ATP10D: variants seen among roughly 807,000 people sequenced by gnomAD.
The protein encoded by ATP10D is phospholipid-transporting ATPase VD.
In ATP10D, 89 loss-of-function variants were observed where a neutral mutation model predicts 144.8. The ratio of observed to expected loss-of-function variants is 0.61; its 90% confidence interval spans 0.52 to 0.73. ATP10D has a LOEUF of 0.73. ATP10D is among the 30% of genes least tolerant of loss of function. The pLI, the probability that ATP10D is intolerant of heterozygous loss-of-function variation, is 0.00. For missense variants in ATP10D, 1,603 were observed against 1,714.8 expected (o/e 0.93, Z 1.15); for synonymous variants, 571 against 615.1 (o/e 0.93, Z 1.06).
intron 16 of ATP10D, among the ~76,000 whole-genome samples, chr4:47,571,846 T>C (rs1250516920): frequency 2.6e-5 from 4 of 152,194 alleles, no homozygotes; most frequent in African/African-American, 2.4e-5. Flanking sequence ...GTTGTTATCA[T>C]GTGCGTGGCT....
At chr4:47,511,567 A>G (rs1181086503) in intron 1 of ATP10D, among the ~76,000 whole-genome samples, 1 of 152,228 alleles carries the variant, frequency 6.6e-6, no homozygotes, top group Non-Finnish European at 1.5e-5. Flanking sequence ...GTAGGGCTGC[A>G]TTTCTTGGAA....
At chr4:47,559,070 C>G in intron 13 of ATP10D, 41 bp downstream of exon 13, 2 of 1,515,836 alleles carry the variant, frequency 1.3e-6, no homozygotes, top group East Asian at 2.3e-5. Flanking sequence ...TGTTTTTTCC[C>G]TTGTTTAGCT....
At position 47,558,291 on chromosome 4, in the gene ATP10D, T is replaced by G; in HGVS notation, c.2434+18T>G. ...TTCCCCAGGTAAGTTTATACAAAAG[T>G]GAAATAGTAGTGATTTGAAAAGCTC... On this transcript the variant is annotated intron_variant, in intron 12 of 22. Transcript: ENST00000273859. 1 of 1,606,002 alleles carries G rather than the reference T, an allele frequency of 6.2e-7. No individual in the cohort carries two copies. The highest frequency in any genetic ancestry group is 2.2e-5 in the East Asian group (1 of 44,730).
intron 1 of ATP10D, among the ~76,000 whole-genome samples, chr4:47,506,221 A>G (rs967620515): frequency 1.3e-5 from 2 of 152,210 alleles, no homozygotes; most frequent in Non-Finnish European, 2.9e-5. Context: ...GTTGGAGCCA[A>G]TGATTGGACA....
At chr4:47,571,742 A>T (rs1461519944) in intron 16 of ATP10D, among the ~76,000 whole-genome samples, 1 of 152,210 alleles carries the variant, frequency 6.6e-6, no homozygotes, top group Non-Finnish European at 1.5e-5. Flanking sequence ...CTTTAAAAAA[A>T]GTATGAGAAG....
At chr4:47,589,254 T>A (rs1004418302) in intron 22 of ATP10D, among the ~76,000 whole-genome samples, 2 of 152,166 alleles carry the variant, frequency 1.3e-5, no homozygotes, top group African/African-American at 4.8e-5. Context: ...AATTTCATAA[T>A]TTTTTGCCTT....
chr4:47,553,760 C>T (rs1718839902), intron 10 of ATP10D, among the ~76,000 whole-genome samples: 1 of 152,202 alleles, frequency 6.6e-6, no homozygotes, highest in Admixed American at 6.5e-5. Context: ...CTAACTCTCA[C>T]CAAACTTTTA....
chr4:47,504,073 C>A (rs1180686964), intron 1 of ATP10D, among the ~76,000 whole-genome samples: 1 of 152,074 alleles, frequency 6.6e-6, no homozygotes, highest in East Asian at 1.9e-4. Context: ...TTGAATGGCA[C>A]TAAGAACTCC....
chr4:47,580,562 G>A (rs1720460529), intron 20 of ATP10D, 84 bp downstream of exon 20: 2 of 1,212,556 alleles, frequency 1.6e-6, no homozygotes, highest in Admixed American at 3.4e-5. Context: ...CAGCATAAAG[G>A]AGGGCAGATT....
chr4:47,590,976 T>TA, intron 22 of ATP10D, 66 bp from the exon 23 acceptor site: 1 of 953,990 alleles, frequency 1.0e-6, no homozygotes. Flanking sequence ...CGTTAGTATT[T>TA]GGGGGGGGGG....
chr4:47,538,813 C>A (rs1216559672), intron 9 of ATP10D, among the ~76,000 whole-genome samples: 1 of 152,196 alleles, frequency 6.6e-6, no homozygotes, highest in African/African-American at 2.4e-5. Flanking sequence ...CTCACAACAG[C>A]AGAGCAGTTT....
intron 1 of ATP10D, among the ~76,000 whole-genome samples, chr4:47,505,377 A>C (rs1033794343): frequency 6.6e-6 from 1 of 152,202 alleles, no homozygotes; most frequent in South Asian, 2.1e-4. Flanking sequence ...AGTGTGTTAG[A>C]CATGCAGACT....
rs899904274 is a variant in ATP10D, at chr4:47,511,223, C to T, written c.-37-1281C>T. On this transcript the variant is annotated intron_variant, in intron 1 of 22. Transcript: ENST00000273859. ...GATAGTAAATGTTATTTTGGCCAGTCAATCTTCATTGATTTAGTTATCTAT... is the reference window on the plus strand; with the variant it reads ...GATAGTAAATGTTATTTTGGCCAGTTAATCTTCATTGATTTAGTTATCTAT... Among the ~76,000 whole-genome samples the T allele has an allele frequency of 2.6e-5, 4 of 152,222 alleles. No individual in the cohort carries two copies. The East Asian group carries it at 5.8e-4, about 22-fold the overall frequency.
intron 4 of ATP10D, among the ~76,000 whole-genome samples, chr4:47,524,151 C>T (rs1717113578): frequency 6.6e-6 from 1 of 152,160 alleles, no homozygotes. Flanking sequence ...TGGTCTTGAT[C>T]TCCTCACCTC....
rs1716422360 is a variant in ATP10D, at chr4:47,512,806, G to T, written c.266G>T (p.Arg89Ile). Residue 89 changes from arginine to isoleucine, a missense_variant, in exon 2 of 23, where the codon AGA becomes ATA. Transcript: ENST00000273859. The part of the protein sequence containing the change: ...TKYTLLNFVP[R>I]NLFEQFHRAA... ...TACACACTTCTGAATTTTGTGCCAA[G>T]AAATTTATTTGAACAATTTCACAGG... 1 of 1,600,276 alleles carries T rather than the reference G, an allele frequency of 6.2e-7. No individual in the cohort carries two copies. Among genetic ancestry groups the T allele is most frequent in the South Asian group, 1.1e-5 (1 of 90,520 alleles).
intron 21 of ATP10D, among the ~76,000 whole-genome samples, chr4:47,584,307 A>G (rs1720674693): frequency 6.6e-6 from 1 of 152,114 alleles, no homozygotes; most frequent in Non-Finnish European, 1.5e-5. Flanking sequence ...CTTTGTATCA[A>G]TTAACTTAAA....
chr4:47,505,734 A>T (rs1460028579), intron 1 of ATP10D, among the ~76,000 whole-genome samples: 5 of 151,700 alleles, frequency 3.3e-5, no homozygotes, highest in Admixed American at 3.3e-4. Context: ...ACAGAGCAAG[A>T]CTCCGTCTCC....
intron 18 of ATP10D, among the ~76,000 whole-genome samples, chr4:47,574,233 G>A (rs1338384630): frequency 6.6e-6 from 1 of 152,192 alleles, no homozygotes; most frequent in African/African-American, 2.4e-5. Flanking sequence ...ACTAGTATTA[G>A]GAGGATATGG....
At chr4:47,499,705 T>C (rs1388956431) in intron 1 of ATP10D, among the ~76,000 whole-genome samples, 1 of 152,226 alleles carries the variant, frequency 6.6e-6, no homozygotes, top group Non-Finnish European at 1.5e-5. Context: ...GGGTACACAT[T>C]GTATAATGAT....
Sources: allele counts gnomAD v4.1 joint callset (sites outside exome capture counted in the v4.1 genomes callset), GRCh38; gene constraint gnomAD v4.1.1; transcripts MANE v1.5; gene names NCBI Gene and HGNC (gene_info 2026-07-23, HGNC 2026-07-21).